GLIS2: variants seen among roughly 807,000 people sequenced by gnomAD.
GLIS2 encodes zinc finger protein GLIS2.
A neutral mutation model predicts 35.6 loss-of-function variants in GLIS2; 14 were observed. The ratio of observed to expected loss-of-function variants is 0.39; its 90% CI spans 0.26 to 0.61. GLIS2 has a LOEUF of 0.61. Ranked by LOEUF, GLIS2 falls within the 20% of genes least tolerant of loss-of-function variation. GLIS2 has a pLI of 0.48. For missense variants in GLIS2, 675 were observed against 713.4 expected, an observed-to-expected ratio of 0.95 and a Z score of 0.61; for synonymous variants, 368 against 325.1, an observed-to-expected ratio of 1.13 and a Z score of -1.42.
At chr16:4,319,245 G>A (rs1455054342) in intron 1 of GLIS2, among the ~76,000 whole-genome samples, 1 of 152,166 alleles carries the variant, frequency 6.6e-6, no homozygotes, top group Non-Finnish European at 1.5e-5. Context: ...TGAGACCACA[G>A]GGGAACCCCG....
Position 4,337,915 on chromosome 16 carries a change from G to T in GLIS2, c.*391G>T. On this transcript the variant is annotated 3_prime_UTR_variant, in exon 7 of 7. Transcript: ENST00000433375. ...AGAGGGGGTGGGTGGGGTGGCATCT[G>T]CCCTCCCTGCTAGCACCAGGCTCCC... 1 of 373,760 alleles carries T rather than the reference G, an allele frequency of 2.7e-6. No homozygotes were observed. Among genetic ancestry groups the T allele is most frequent in the Non-Finnish European group, 5.1e-6 (1 of 197,882 alleles). 23.2% of individuals were successfully genotyped at this position (373,760 alleles called of 1,614,324 possible).
Position 4,332,475 on chromosome 16 carries a change from G to A in GLIS2, c.172+23G>A. On this transcript the variant is annotated intron_variant, in intron 2 of 6. Coordinates refer to ENST00000433375, the MANE Select transcript of GLIS2 (RefSeq NM_032575.3). This position sits in a 1 kb window ranked among gnomAD's most constrained non-coding sequence, Gnocchi z 5.4. ...CAGGTACTGGCCCTGGGCAGGGCAG[G>A]GGGACTTAGCCCTGATCCAGTCATG... is the stretch of plus-strand genomic sequence containing the variant. The A allele has an allele frequency of 1.2e-6, 2 of 1,607,528 alleles. No homozygotes were observed. The highest frequency in any genetic ancestry group is 1.7e-6 in the Non-Finnish European group (2 of 1,179,342).
At chr16:4,323,866 T>C (rs910017216) in intron 1 of GLIS2, among the ~76,000 whole-genome samples, 1 of 152,176 alleles carries the variant, frequency 6.6e-6, no homozygotes, top group African/African-American at 2.4e-5. Flanking sequence ...CAAGATGCCC[T>C]GAGTCCCAGG....
chr16:4,316,305 G>T (rs933552494), intron 1 of GLIS2, among the ~76,000 whole-genome samples, 51 bp downstream of exon 1: 4 of 143,886 alleles, frequency 2.8e-5, no homozygotes, highest in Non-Finnish European at 4.7e-5. Flanking sequence ...GGGGCGGGGG[G>T]GGGGGGGCCC....
rs1167963528 is a variant in GLIS2, at chr16:4,320,001, C to T, written c.-67+3747C>T. Among the ~76,000 whole-genome samples, 1 of 151,078 alleles carries T rather than the reference C, an allele frequency of 6.6e-6. No homozygotes were observed. Among genetic ancestry groups the T allele is most frequent in the African/African-American group, 2.4e-5 (1 of 41,048 alleles). On this transcript the variant is annotated intron_variant, in intron 1 of 6. Transcript: ENST00000433375. The surrounding 1 kb of genome is among the most constrained non-coding windows in gnomAD (Gnocchi z 5.6). ...GGGCTTCCCATCTGCCCCAGCAGCC[C>T]CTGCTGGGGGATGGGTGGGGGCTGA...
At position 4,325,859 on chromosome 16, in the gene GLIS2, C is replaced by A. The variant is rs2141124346; in HGVS notation, c.-66-6356C>A. Among the ~76,000 whole-genome samples the A allele has an allele frequency of 4.7e-5, 7 of 149,102 alleles. No homozygotes were observed. In the Middle Eastern group the frequency reaches 0.021, roughly 441 times the overall value. The stretch of plus-strand genomic sequence containing the variant: ...GGCTGAGGCAGGAGGATCTCTTGAG[C>A]CTCGGCGGCAGTTAGCCATGACCAC... On this transcript the variant is annotated intron_variant, in intron 1 of 6. Transcript: ENST00000433375.
intron 1 of GLIS2, among the ~76,000 whole-genome samples, chr16:4,317,420 C>G (rs1212844074): frequency 6.6e-6 from 1 of 152,122 alleles, no homozygotes; most frequent in Non-Finnish European, 1.5e-5. Context: ...GTGGGGCCAG[C>G]CTGCGGCTGG....
rs1413892706 is a variant in GLIS2, at chr16:4,333,529, G to C, written c.345+10G>C. ...AGTGCCCAGTGCCTCGGTAAGGAGG[G>C]GTGAGAGTTCCGGAGAGAGGGGTGG... On this transcript the variant is annotated intron_variant, in intron 3 of 6. Transcript: ENST00000433375. The C allele has an allele frequency of 3.7e-6, 6 of 1,605,524 alleles. No homozygotes were observed. The highest frequency in any genetic ancestry group is 4.3e-6 in the Non-Finnish European group (5 of 1,175,864).
intron 3 of GLIS2, among the ~76,000 whole-genome samples, chr16:4,334,237 C>A (rs1354772574): frequency 1.4e-5 from 2 of 146,762 alleles, no homozygotes; most frequent in Non-Finnish European, 3.0e-5. Context: ...CTGTGCCCGG[C>A]CTTTTTTTTT....
chr16:4,337,600 G>T lies in GLIS2; in HGVS notation c.*76G>T. On this transcript the variant is annotated 3_prime_UTR_variant, in exon 7 of 7. Transcript: ENST00000433375. ...CCCCGACGAACGGAAACTCTTCTGT[G>T]AAATAGCAATAATGTCCTACTGCCC... The T allele has an allele frequency of 6.5e-7, 1 of 1,528,292 alleles. No individual in the cohort carries two copies. Among genetic ancestry groups the T allele is most frequent in the South Asian group, 1.2e-5 (1 of 83,868 alleles). 94.7% of individuals were successfully genotyped at this position (1,528,292 alleles called of 1,614,324 possible). A position where few individuals can be genotyped will look rare whatever the true frequency, so the allele number is the denominator to read the frequency against.
Position 4,335,018 on chromosome 16 carries a change from G to T in GLIS2, c.522+41G>T. On this transcript the variant is annotated intron_variant, in intron 4 of 6. Coordinates refer to ENST00000433375, the MANE Select transcript of GLIS2 (RefSeq NM_032575.3). The surrounding 1 kb of genome is among the most constrained non-coding windows in gnomAD (Gnocchi z 4.6). ...CAAGAGTAGTGTGGAGTCTGGGGCAGGTCACCCCGCATGGGCTCAGAACAC... is the reference window on the plus strand; with the variant it reads ...CAAGAGTAGTGTGGAGTCTGGGGCATGTCACCCCGCATGGGCTCAGAACAC... The T allele has an allele frequency of 6.2e-7, 1 of 1,613,290 alleles. No homozygotes were observed. The highest frequency in any genetic ancestry group is 1.1e-5 in the South Asian group (1 of 91,086).
In GLIS2 at chr16:4,332,072, G is replaced by A. The variant is rs902065941; in HGVS notation, c.-66-143G>A. On this transcript the variant is annotated intron_variant, in intron 1 of 6. Transcript: ENST00000433375. The surrounding 1 kb of genome is among the most constrained non-coding windows in gnomAD (Gnocchi z 5.4). ...TGGCTCTCCCCCCATGATAGCTGCC[G>A]GCCAGGTCGCTCGGAGGGTCTCCCT... 5.3e-5 allele frequency: 35 copies of A among 660,112 alleles called. No homozygotes were observed. The highest frequency in any genetic ancestry group is 1.1e-4 in the Admixed American group (5 of 45,574). The allele number at this position is 660,112 out of a possible 1,614,324, so 40.9% of individuals were successfully genotyped here.
rs1422460472 is a variant in GLIS2 at position 4,337,767 on chromosome 16, C to T, written c.*243C>T. 2.5e-5 allele frequency: 15 copies of T among 610,254 alleles called. No individual in the cohort carries two copies. The Admixed American group carries it at 4.0e-4, about 16-fold the overall frequency. The allele number at this position is 610,254 out of a possible 1,614,324, so 37.8% of individuals were successfully genotyped here. On this transcript the variant is annotated 3_prime_UTR_variant, in exon 7 of 7. Transcript: ENST00000433375. Reference sequence around the variant, plus strand: ...TGCTGAAGCCTCGCTCCTGTCTGTCCCCCACCACCTGGCCCTCAGCTTCTG... The same window carrying T: ...TGCTGAAGCCTCGCTCCTGTCTGTCTCCCACCACCTGGCCCTCAGCTTCTG...
intron 1 of GLIS2, among the ~76,000 whole-genome samples, chr16:4,323,231 G>A (rs566992205): frequency 1.1e-4 from 16 of 152,260 alleles, no homozygotes; most frequent in African/African-American, 2.2e-4. Context: ...TCCCTGTCTC[G>A]CTCCCTGGTG....
intron 1 of GLIS2, among the ~76,000 whole-genome samples, chr16:4,316,460 G>A (rs1434816293): frequency 2.6e-5 from 4 of 151,810 alleles, no homozygotes; most frequent in African/African-American, 7.2e-5. Flanking sequence ...TCCCCGGCCG[G>A]GTCCCTCGAG....
Position 4,332,270 on chromosome 16 carries a change from G to T in GLIS2, c.-11G>T. On this transcript the variant is annotated 5_prime_UTR_variant, in exon 2 of 7. Transcript: ENST00000433375. The surrounding 1 kb of genome is among the most constrained non-coding windows in gnomAD (Gnocchi z 5.4). ...CTGCCTGCTGCCACCTCCAACTCCG[G>T]CCCCCTCACCATGCACTCCCTGGAC... 2 of 1,610,776 alleles carry T rather than the reference G, an allele frequency of 1.2e-6. No individual in the cohort carries two copies. The highest frequency in any genetic ancestry group is 8.5e-7 in the Non-Finnish European group (1 of 1,179,324).
chr16:4,337,586 G>A lies in GLIS2; in HGVS notation c.*62G>A, dbSNP rs879504984. 232 of 1,533,278 alleles carry A rather than the reference G, an allele frequency of 1.5e-4. No individual in the cohort carries two copies. The highest frequency in any genetic ancestry group is 1.8e-4 in the Middle Eastern group (1 of 5,450). The allele number at this position is 1,533,278 out of a possible 1,614,324, so 95.0% of individuals were successfully genotyped here. A position where few individuals can be genotyped will look rare whatever the true frequency, so the allele number is the denominator to read the frequency against. On this transcript the variant is annotated 3_prime_UTR_variant, in exon 7 of 7. Transcript: ENST00000433375. ...GCTCCCGGCACTGCCCCCGACGAAC[G>A]GAAACTCTTCTGTGAAATAGCAATA...
chr16:4,334,007 A>C (rs1164416725), intron 3 of GLIS2, among the ~76,000 whole-genome samples: 1 of 152,044 alleles, frequency 6.6e-6, no homozygotes, highest in Non-Finnish European at 1.5e-5. Flanking sequence ...AGTGGCCCGG[A>C]TCTCAGCTCA....
Position 4,332,332 on chromosome 16 carries a change from C to T in GLIS2, c.52C>T (p.Arg18Trp), listed in dbSNP as rs745585937. The T allele has an allele frequency of 2.9e-5, 46 of 1,613,236 alleles. No homozygotes were observed. Among genetic ancestry groups the T allele is most frequent in the Non-Finnish European group, 3.6e-5 (43 of 1,180,022 alleles). Residue 18 changes from arginine to tryptophan, a missense_variant, in exon 2 of 7, where the codon CGG (arginine) becomes TGG (tryptophan). Transcript: ENST00000433375. This position sits in a 1 kb window ranked among gnomAD's most constrained non-coding sequence, Gnocchi z 5.4. ...LDLKLSITKL[R>W]AAREKRERTL... ...CCTGAAGCTGAGTATCACCAAGCTC[C>T]GGGCGGCAAGAGAGAAGCGGGAGAG...
Sources: allele counts gnomAD v4.1 joint callset (sites outside exome capture counted in the v4.1 genomes callset), GRCh38; gene constraint gnomAD v4.1.1; non-coding constraint Gnocchi (gnomAD v3.1); transcripts MANE v1.5; gene names NCBI Gene and HGNC (gene_info 2026-07-23, HGNC 2026-07-21).